SRP68: variants seen among roughly 807,000 people sequenced by gnomAD.
SRP68 encodes the protein signal recognition particle 68, also known as signal recognition particle subunit SRP68.
A neutral mutation model predicts 82.2 loss-of-function variants in SRP68; 15 were observed. The ratio of observed to expected loss-of-function variants is 0.18; its 90% CI spans 0.12 to 0.28. SRP68 has a LOEUF of 0.28. Among genes scored for constraint, SRP68 ranks in the 10% least tolerant of loss-of-function variants. The pLI is 1.00. For missense variants in SRP68, 595 were observed against 780.5 expected, an observed-to-expected ratio of 0.76 and a Z score of 2.83; for synonymous variants, 261 against 292.6, an observed-to-expected ratio of 0.89 and a Z score of 1.10.
intron 6 of SRP68, 185 bp from the exon 7 acceptor site, chr17:76,060,575 T>C: frequency 1.8e-6 from 1 of 567,694 alleles, no homozygotes; most frequent in Non-Finnish European, 3.1e-6. Flanking sequence ...ATGAAAATAC[T>C]CCATATGGTA....
At chr17:76,042,017 G>T (rs2066594555) in intron 13 of SRP68, among the ~76,000 whole-genome samples, 1 of 152,026 alleles carries the variant, frequency 6.6e-6, no homozygotes. Flanking sequence ...CCGAGTAGCT[G>T]GGACCACAGG....
In SRP68 at chr17:76,070,373, C is replaced by T; in HGVS notation, c.251+5G>A. The T allele has an allele frequency of 1.9e-6, 3 of 1,612,946 alleles. No homozygotes were observed. The highest frequency in any genetic ancestry group is 2.5e-6 in the Non-Finnish European group (3 of 1,178,978). ...ATTTCCAAACATCTTGTATGTGATA[C>T]TAACCTGTACCTCTGAAAATCTCCA... On this transcript the variant is annotated splice_donor_5th_base_variant and intron_variant, in intron 2 of 15. Transcript: ENST00000307877.
intron 11 of SRP68, 54 bp downstream of exon 11, chr17:76,045,984 G>A (rs554252389): frequency 1.1e-5 from 17 of 1,606,230 alleles, no homozygotes; most frequent in East Asian, 8.9e-5. Context: ...CTTTGTGTCC[G>A]ACACAGGCAA....
At position 76,072,163 on chromosome 17, in the gene SRP68, C is replaced by T; in HGVS notation, c.184+145G>A. 7.0e-7 allele frequency: 1 copy of T among 1,418,560 alleles called. No individual in the cohort carries two copies. The highest frequency in any genetic ancestry group is 9.5e-7 in the Non-Finnish European group (1 of 1,051,890). 87.9% of individuals were successfully genotyped at this position (1,418,560 alleles called of 1,614,324 possible). On this transcript the variant is annotated intron_variant, in intron 1 of 15. Transcript: ENST00000307877. This position sits in a 1 kb window ranked among gnomAD's most constrained non-coding sequence, Gnocchi z 4.5. ...CGAGAGACAGACCCCCCCCGGAATT[C>T]TGAGCACCAAAAGGTAAGGGCGAGA... is the stretch of plus-strand genomic sequence containing the variant.
chr17:76,057,294 A>T, intron 8 of SRP68, 109 bp downstream of exon 8: 3 of 1,352,938 alleles, frequency 2.2e-6, no homozygotes, highest in Non-Finnish European at 3.1e-6. Context: ...AAACAGCATT[A>T]AAAGTTTGTT....
intron 9 of SRP68, 113 bp from the exon 10 acceptor site, chr17:76,048,083 G>A (rs1186628694): frequency 4.0e-6 from 2 of 503,264 alleles, no homozygotes; most frequent in Non-Finnish European, 7.0e-6. Context: ...ACAAACTCTA[G>A]TAAGACAGGA....
At position 76,040,685 on chromosome 17, in the gene SRP68, G is replaced by A. The variant is rs947127508; in HGVS notation, c.1601-211C>T. On this transcript the variant is annotated intron_variant, in intron 14 of 15. Transcript: ENST00000307877. ...TCGGCCCAGTGAAGCCAGCACAGTT[G>A]CATGAGGACAGTAACAGGGAGAAGG... is the stretch of plus-strand genomic sequence containing the variant. 2.1e-5 allele frequency: 14 copies of A among 658,386 alleles called. No individual in the cohort carries two copies. In the East Asian group the frequency reaches 3.5e-4, roughly 17 times the overall value. The allele number at this position is 658,386 out of a possible 1,614,324, so 40.8% of individuals were successfully genotyped here.
chr17:76,062,994 T>C (rs936897808), intron 4 of SRP68, among the ~76,000 whole-genome samples: 1 of 150,996 alleles, frequency 6.6e-6, no homozygotes, highest in Non-Finnish European at 1.5e-5. Flanking sequence ...ATGGTCTCGA[T>C]CTCCTGACTT....
At chr17:76,052,533 G>A (rs376403525) in intron 8 of SRP68, among the ~76,000 whole-genome samples, 1 of 152,068 alleles carries the variant, frequency 6.6e-6, no homozygotes, top group Non-Finnish European at 1.5e-5. Context: ...GGCTGGGCGC[G>A]GTGGCTCACG....
At chr17:76,046,016 C>T (rs755084097) in intron 11 of SRP68, 22 bp downstream of exon 11, 5 of 1,613,304 alleles carry the variant, frequency 3.1e-6, no homozygotes, top group Non-Finnish European at 4.2e-6. Flanking sequence ...AGGCCCTTGC[C>T]TTCCCGGTCC....
At chr17:76,069,011 A>AT (rs2066828136) in intron 2 of SRP68, among the ~76,000 whole-genome samples, 6 of 138,314 alleles carry the variant, frequency 4.3e-5, no homozygotes, top group South Asian at 2.8e-4. Context: ...ATAAATAAAT[A>AT]AATATATATA....
chr17:76,045,972 C>T, intron 11 of SRP68, 66 bp downstream of exon 11: 1 of 1,585,888 alleles, frequency 6.3e-7, no homozygotes. Flanking sequence ...AAAGTTAAGT[C>T]ACTTTGTGTC....
chr17:76,072,245 C>A lies in SRP68; in HGVS notation c.184+63G>T. 1 of 1,600,358 alleles carries A rather than the reference C, an allele frequency of 6.2e-7. No individual in the cohort carries two copies. Among genetic ancestry groups the A allele is most frequent in the Non-Finnish European group, 8.5e-7 (1 of 1,176,200 alleles). ...ACTTGTCGGGACCCGCCGCCTCTCCCGCCCCCAGCCCTCCAGTTCGACACG... is the reference window on the plus strand; with the variant it reads ...ACTTGTCGGGACCCGCCGCCTCTCCAGCCCCCAGCCCTCCAGTTCGACACG... On this transcript the variant is annotated intron_variant, in intron 1 of 15. Coordinates refer to ENST00000307877, the MANE Select transcript of SRP68 (RefSeq NM_014230.4). This position sits in a 1 kb window ranked among gnomAD's most constrained non-coding sequence, Gnocchi z 4.5.
In SRP68 at chr17:76,059,027, C is replaced by T. The variant is rs76342578; in HGVS notation, c.837+1281G>A. On this transcript the variant is annotated intron_variant, in intron 7 of 15. Coordinates refer to ENST00000307877, the MANE Select transcript of SRP68 (RefSeq NM_014230.4). ...GGCTAAGGCGAACAGATTGCTTGAG[C>T]GCAGGAGTTCGAGAATGAGACCAGC... 2.0e-3 allele frequency among the ~76,000 whole-genome samples: 297 copies of T among 152,228 alleles called. 2 individuals are homozygous for T. The highest frequency in any genetic ancestry group is 4.1e-3 in the African/African-American group (169 of 41,532).
At chr17:76,060,556 A>C in intron 6 of SRP68, 166 bp from the exon 7 acceptor site, 1 of 579,992 alleles carries the variant, frequency 1.7e-6, no homozygotes, top group Non-Finnish European at 3.1e-6. Context: ...AATGAAATTG[A>C]CTGGGGCAAT....
At chr17:76,053,606 T>C in intron 8 of SRP68, 1 of 985,358 alleles carries the variant, frequency 1.0e-6, no homozygotes, top group Non-Finnish European at 1.2e-6. Flanking sequence ...AAGCTCTAAG[T>C]TCCCACTGGG....
chr17:76,070,516 A>G, intron 1 of SRP68, 72 bp from the exon 2 acceptor site: 1 of 1,295,772 alleles, frequency 7.7e-7, no homozygotes, highest in East Asian at 2.3e-5. Context: ...CCATCAGTCT[A>G]TATCTGTGTC....
chr17:76,048,925 G>A (rs2066651569), intron 9 of SRP68: 2 of 152,232 alleles, frequency 1.3e-5, no homozygotes, highest in African/African-American at 4.8e-5. Flanking sequence ...TCGATGAAGG[G>A]AAGCACAATA....
intron 8 of SRP68, among the ~76,000 whole-genome samples, chr17:76,054,189 G>T (rs1384884991): frequency 1.3e-5 from 2 of 152,222 alleles, no homozygotes; most frequent in African/African-American, 4.8e-5. Flanking sequence ...TTTCAAAACT[G>T]ACTGGTGCGG....
Sources: allele counts gnomAD v4.1 joint callset (sites outside exome capture counted in the v4.1 genomes callset), GRCh38; gene constraint gnomAD v4.1.1; non-coding constraint Gnocchi (gnomAD v3.1); transcripts MANE v1.5; gene names NCBI Gene and HGNC (gene_info 2026-07-23, HGNC 2026-07-21).